Variants in SPATA6 observed in about 807,000 individuals in gnomAD.
The protein encoded by SPATA6 is spermatogenesis associated 6, also known as spermatogenesis-associated protein 6.
SPATA6 carries 56 observed loss-of-function variants against 65.3 expected under a neutral mutation model. The observed-to-expected ratio is 0.86, with a 90% confidence interval of 0.69 to 1.07. The LOEUF (loss-of-function observed/expected upper bound fraction) is 1.07, where lower values mean the gene tolerates loss of function less well. Ranked by LOEUF, SPATA6 falls within the 50% of genes least tolerant of loss-of-function variation. SPATA6 has a pLI of 0.00. For missense variants in SPATA6, 590 were observed against 594.8 expected, an observed-to-expected ratio of 0.99 and a Z score of 0.08; for synonymous variants, 199 against 213.2, an observed-to-expected ratio of 0.93 and a Z score of 0.58.
intron 11 of SPATA6, among the ~76,000 whole-genome samples, chr1:48,342,442 CT>C (rs1413421785): frequency 6.6e-6 from 1 of 151,784 alleles, no homozygotes; most frequent in Non-Finnish European, 1.5e-5. Flanking sequence ...GGTGAAACCC[CT>C]TATCTATTAA....
chr1:48,294,426 A>G (rs1163142510), downstream of SPATA6, among the ~76,000 whole-genome samples: 1 of 152,168 alleles, frequency 6.6e-6, no homozygotes. Context: ...CACTACCACC[A>G]GAGCCTCCTT....
At chr1:48,387,619 A>G (rs1649613723) in intron 8 of SPATA6, among the ~76,000 whole-genome samples, 3 of 152,108 alleles carry the variant, frequency 2.0e-5, no homozygotes, top group African/African-American at 7.2e-5. Flanking sequence ...ACTTGTTCAC[A>G]TCATCAGGGA....
At chr1:48,458,452 T>C (rs12565374) in intron 1 of SPATA6, among the ~76,000 whole-genome samples, 11,855 of 152,260 alleles carry the variant, frequency 0.078, 633 homozygotes, top group East Asian at 0.2. Flanking sequence ...CCACTCTTTT[T>C]GCTGTCTTTT....
At chr1:48,288,840 C>T in the SPATA6 span, among the ~76,000 whole-genome samples, 6 of 152,326 alleles carry the variant, frequency 3.9e-5, no homozygotes, top group South Asian at 4.1e-4. Flanking sequence ...GAAAACAAAG[C>T]GGCCAGGAAG....
intron 11 of SPATA6, among the ~76,000 whole-genome samples, chr1:48,339,775 ACAAT>A (rs1430762532): frequency 3.9e-5 from 6 of 152,074 alleles, no homozygotes; most frequent in Non-Finnish European, 8.8e-5. Context: ...CTTGCAGGAC[ACAAT>A]CAAACGATCT....
rs1197792914 is a variant in SPATA6 at position 48,472,168 on chromosome 1, A to T, written c.-160T>A. 1.8e-6 allele frequency: 1 copy of T among 566,774 alleles called. No homozygotes were observed. The highest frequency in any genetic ancestry group is 3.5e-5 in the East Asian group (1 of 28,928). 35.1% of individuals were successfully genotyped at this position (566,774 alleles called of 1,614,324 possible). On this transcript the variant is annotated 5_prime_UTR_variant, in exon 1 of 13. Coordinates refer to ENST00000371847, the MANE Select transcript of SPATA6 (RefSeq NM_019073.4). ...CGCGGTCCAGCCTGGGTTCCGCCGGAGAAGCAGCTGAGCGCGGGGCGCAGA... is the reference window on the plus strand; with the variant it reads ...CGCGGTCCAGCCTGGGTTCCGCCGGTGAAGCAGCTGAGCGCGGGGCGCAGA...
intron 1 of SPATA6, among the ~76,000 whole-genome samples, chr1:48,455,431 G>A (rs768282700): frequency 4.7e-4 from 70 of 148,732 alleles, no homozygotes; most frequent in Non-Finnish European, 8.7e-4. Context: ...CGTCCAGGCT[G>A]CAGTACAGTG....
intron 3 of SPATA6, chr1:48,436,087 C>A: frequency 1.2e-6 from 2 of 1,609,884 alleles, no homozygotes; most frequent in South Asian, 1.1e-5. Context: ...TTCCTGGTCA[C>A]CTCCATCCAC....
At chr1:48,359,083 T>C (rs1363817120) in intron 10 of SPATA6, among the ~76,000 whole-genome samples, 1 of 152,182 alleles carries the variant, frequency 6.6e-6, no homozygotes, top group Non-Finnish European at 1.5e-5. Flanking sequence ...ATCCAAATTA[T>C]AACAGGATCA....
At chr1:48,428,870 CGTGTGTGT>C (rs35049845) in intron 3 of SPATA6, among the ~76,000 whole-genome samples, 7 of 136,754 alleles carry the variant, frequency 5.1e-5, no homozygotes, top group South Asian at 2.3e-4. Context: ...TATATATACA[CGTGTGTGT>C]GTGTGTGTGT....
chr1:48,438,713 T>C (rs1362631498), intron 3 of SPATA6, among the ~76,000 whole-genome samples: 1 of 152,146 alleles, frequency 6.6e-6, no homozygotes, highest in Non-Finnish European at 1.5e-5. Flanking sequence ...TCCTCTCGCC[T>C]CTTTTCTCCG....
chr1:48,287,861 G>A, the SPATA6 span, among the ~76,000 whole-genome samples: 1 of 152,336 alleles, frequency 6.6e-6, no homozygotes, highest in African/African-American at 2.4e-5. Context: ...CAGAGGGAGT[G>A]AGCATCTTTT....
Position 48,466,563 on chromosome 1 carries a change from C to T in SPATA6, c.51+5395G>A, listed in dbSNP as rs562318956. ...AAAGGTACAGAGGAGGCCTCACCTA[C>T]ATGCAACATTATATTTCTTAAAAAC... is the stretch of plus-strand genomic sequence containing the variant. On this transcript the variant is annotated intron_variant, in intron 1 of 12. Transcript: ENST00000371847. 3.3e-4 allele frequency among the ~76,000 whole-genome samples: 50 copies of T among 151,892 alleles called. 1 individual carries two copies. The highest frequency in any genetic ancestry group is 1.2e-3 in the African/African-American group (49 of 41,450).
intron 11 of SPATA6, among the ~76,000 whole-genome samples, chr1:48,354,714 T>G (rs2175864): frequency 1.3e-5 from 2 of 151,868 alleles, no homozygotes; most frequent in African/African-American, 2.4e-5. Context: ...CAATATTATA[T>G]CTTGCTGTTA....
At chr1:48,361,132 G>C (rs1164862950) in intron 9 of SPATA6, among the ~76,000 whole-genome samples, 9 of 152,070 alleles carry the variant, frequency 5.9e-5, no homozygotes, top group Admixed American at 5.9e-4. Context: ...GGTATTTAGA[G>C]GTATTGCACT....
At chr1:48,442,640 A>G (rs997687213) in intron 3 of SPATA6, among the ~76,000 whole-genome samples, 1 of 149,766 alleles carries the variant, frequency 6.7e-6, no homozygotes, top group African/African-American at 2.5e-5. Flanking sequence ...AAAGAGAGAA[A>G]GGAAGAAACA....
At chr1:48,423,959 T>C (rs941463424) in intron 3 of SPATA6, among the ~76,000 whole-genome samples, 16 of 152,212 alleles carry the variant, frequency 1.1e-4, no homozygotes, top group Non-Finnish European at 2.1e-4. Flanking sequence ...TCATGAAGAA[T>C]GGGGTATCCA....
intron 9 of SPATA6, among the ~76,000 whole-genome samples, chr1:48,368,228 AT>A (rs1557624608): frequency 6.6e-6 from 1 of 151,916 alleles, no homozygotes; most frequent in African/African-American, 2.4e-5. Flanking sequence ...TGCCCTTAAC[AT>A]TTTGCCTTCA....
At chr1:48,321,701 A>G (rs1645603182) in intron 11 of SPATA6, among the ~76,000 whole-genome samples, 1 of 152,196 alleles carries the variant, frequency 6.6e-6, no homozygotes, top group Non-Finnish European at 1.5e-5. Flanking sequence ...AGTTCATCTA[A>G]GGGCTGCAGA....
Sources: allele counts gnomAD v4.1 joint callset (sites outside exome capture counted in the v4.1 genomes callset), GRCh38; gene constraint gnomAD v4.1.1; transcripts MANE v1.5; gene names NCBI Gene and HGNC (gene_info 2026-07-23, HGNC 2026-07-21).